The following RBFOX1 variants were observed in gnomAD, a reference collection of about 807,000 sequenced individuals.
RBFOX1 encodes the protein RNA binding protein fox-1 homolog 1.
A neutral mutation model predicts 57.7 loss-of-function variants in RBFOX1; 8 were observed. The observed-to-expected ratio is 0.14, with a 90% CI of 0.08 to 0.25. The LOEUF is 0.25. Ranked by LOEUF, RBFOX1 falls within the 10% of genes least tolerant of loss-of-function variation. The pLI is 1.00. For synonymous variants in RBFOX1, 326 were observed against 222.4 expected, an observed-to-expected ratio of 1.47 and a Z score of -4.15; for missense variants, 611 against 548.5, an observed-to-expected ratio of 1.11 and a Z score of -1.14.
intron 2 of RBFOX1, among the ~76,000 whole-genome samples, chr16:6,528,729 C>G (rs928218458): frequency 6.6e-6 from 1 of 152,148 alleles, no homozygotes; most frequent in African/African-American, 2.4e-5. Flanking sequence ...GGACCAGATA[C>G]TTCTTGGTTC....
chr16:6,217,327 T>C (rs1204391212), intron 1 of RBFOX1, among the ~76,000 whole-genome samples: 1 of 151,880 alleles, frequency 6.6e-6, no homozygotes, highest in Non-Finnish European at 1.5e-5. Flanking sequence ...ATGCATGTGT[T>C]TTCTGTATTT....
chr16:6,674,158 C>T (rs1164505476), intron 3 of RBFOX1, among the ~76,000 whole-genome samples: 2 of 152,090 alleles, frequency 1.3e-5, no homozygotes, highest in African/African-American at 4.8e-5. Context: ...TGAATAGAGT[C>T]CTCCAGAAAA....
chr16:7,433,993 G>C (rs1045945802), intron 4 of RBFOX1, among the ~76,000 whole-genome samples: 2 of 152,200 alleles, frequency 1.3e-5, no homozygotes, highest in East Asian at 1.9e-4. Flanking sequence ...AGAACGATGA[G>C]AGGGAACAGT....
intron 3 of RBFOX1, among the ~76,000 whole-genome samples, chr16:6,899,105 G>A (rs886725083): frequency 3.3e-5 from 5 of 151,202 alleles, no homozygotes; most frequent in Non-Finnish European, 7.4e-5. Flanking sequence ...GTGTACATCT[G>A]TGTATACGTG....
At chr16:7,673,801 A>T (rs906650879) in intron 13 of RBFOX1, among the ~76,000 whole-genome samples, 1 of 152,212 alleles carries the variant, frequency 6.6e-6, no homozygotes, top group Non-Finnish European at 1.5e-5. Context: ...ATGGGAGCGT[A>T]GAACTATTTT....
At chr16:6,322,691 C>A (rs1027976604) in intron 2 of RBFOX1, among the ~76,000 whole-genome samples, 3 of 152,132 alleles carry the variant, frequency 2.0e-5, no homozygotes, top group East Asian at 3.9e-4. Context: ...TAATTGCCTT[C>A]CAGGGAGACA....
At chr16:5,846,262 T>C (rs2056755013) in intron 3 of RBFOX1, among the ~76,000 whole-genome samples, 1 of 151,156 alleles carries the variant, frequency 6.6e-6, no homozygotes, top group Non-Finnish European at 1.5e-5. Context: ...GGCCCAGTAG[T>C]AGCATCTTTG....
intron 14 of RBFOX1, among the ~76,000 whole-genome samples, chr16:7,686,573 CA>C (rs752429209): frequency 6.6e-6 from 1 of 151,822 alleles, no homozygotes; most frequent in East Asian, 1.9e-4. Context: ...TCTACACAGA[CA>C]AAAAAAGAAA....
intron 4 of RBFOX1, among the ~76,000 whole-genome samples, chr16:7,500,322 A>G (rs1323515667): frequency 2.0e-5 from 3 of 152,212 alleles, no homozygotes; most frequent in Non-Finnish European, 4.4e-5. Flanking sequence ...AGTAGTAGGA[A>G]CTTCAATACT....
intron 1 of RBFOX1, among the ~76,000 whole-genome samples, chr16:6,189,062 T>C (rs2152805957): frequency 6.6e-6 from 1 of 152,312 alleles, no homozygotes; most frequent in South Asian, 2.1e-4. Flanking sequence ...TCTTCCATGT[T>C]TTATGTGGTT....
intron 3 of RBFOX1, among the ~76,000 whole-genome samples, chr16:6,759,939 A>C (rs1255524864): frequency 1.3e-5 from 2 of 152,158 alleles, no homozygotes; most frequent in African/African-American, 4.8e-5. Context: ...TCATTTATCA[A>C]ATATTAGTTG....
In RBFOX1 at chr16:6,381,150, T is replaced by C. The variant is rs569506847; in HGVS notation, c.-64+64093T>C. ...TGTCTGAGAGCTGGAGAAGAAGGAA[T>C]AGATCCTAGAGACATTTTCATTTTT... On this transcript the variant is annotated intron_variant, in intron 2 of 15. Transcript: ENST00000550418. Among the ~76,000 whole-genome samples, 440 of 152,260 alleles carry C rather than the reference T, an allele frequency of 2.9e-3. 3 individuals carry two copies. The highest frequency in any genetic ancestry group is 0.014 in the Middle Eastern group (4 of 294).
intron 2 of RBFOX1, among the ~76,000 whole-genome samples, chr16:6,629,759 C>T (rs2098359397): frequency 6.6e-6 from 1 of 152,328 alleles, no homozygotes; most frequent in East Asian, 1.9e-4. Flanking sequence ...TTATTTCTAG[C>T]TTAATTAGTC....
chr16:7,710,692 T>C lies in RBFOX1; in HGVS notation c.1141T>C (p.Ser381Pro). ...TGATGATGTGGGTCTCGTTCTTTCT[T>C]CATTGCAGGCTAGTATATACCGAGG... ...HADDVGLVLS[S>P]LQASIYRGGY... Residue 381 changes from serine to proline, a missense_variant, in exon 16 of 16, where the codon TCA becomes CCA. Ser to Pro is a moderately conservative substitution (Grantham distance 74). Coordinates refer to ENST00000550418, the MANE Select transcript of RBFOX1 (RefSeq NM_018723.4). 1.9e-6 allele frequency: 3 copies of C among 1,613,494 alleles called. No individual in the cohort carries two copies. Among genetic ancestry groups the C allele is most frequent in the Non-Finnish European group, 2.5e-6 (3 of 1,179,542 alleles).
intron 4 of RBFOX1, among the ~76,000 whole-genome samples, chr16:7,408,878 A>AAG (rs144297684): frequency 0.13 from 20,272 of 152,050 alleles, 2,018 homozygotes; most frequent in African/African-American, 0.27. Flanking sequence ...TTCCCCAGAT[A>AAG]AGAACCATTG....
chr16:5,304,777 G>T (rs551234085), intron 1 of RBFOX1, among the ~76,000 whole-genome samples: 4 of 152,246 alleles, frequency 2.6e-5, no homozygotes, highest in African/African-American at 2.4e-5. Context: ...TTTCTCTGTG[G>T]AAGAGGAATT....
At chr16:6,808,365 C>G (rs77951609) in intron 3 of RBFOX1, among the ~76,000 whole-genome samples, 4,536 of 152,020 alleles carry the variant, frequency 0.03, 213 homozygotes, top group South Asian at 0.15. Context: ...ACCCTTGTCA[C>G]TCCCTTCAAT....
intron 4 of RBFOX1, among the ~76,000 whole-genome samples, chr16:5,932,893 G>A (rs2033322969): frequency 6.6e-6 from 1 of 152,016 alleles, no homozygotes; most frequent in Non-Finnish European, 1.5e-5. Context: ...CAAGCCATTT[G>A]GTCCATTTCC....
At chr16:5,532,136 A>G (rs1202548549) in intron 2 of RBFOX1, among the ~76,000 whole-genome samples, 3 of 151,982 alleles carry the variant, frequency 2.0e-5, no homozygotes, top group African/African-American at 4.8e-5. Context: ...CAACCTCAAC[A>G]CTATTGATGT....
Sources: allele counts gnomAD v4.1 joint callset (sites outside exome capture counted in the v4.1 genomes callset), GRCh38; gene constraint gnomAD v4.1.1; transcripts MANE v1.5; gene names NCBI Gene and HGNC (gene_info 2026-07-23, HGNC 2026-07-21).